The following PIAS1 variants were observed in gnomAD, a reference collection of about 807,000 sequenced individuals.
The protein encoded by PIAS1 is E3 SUMO-protein ligase PIAS1.
A neutral mutation model predicts 71.3 loss-of-function variants in PIAS1; 6 were observed. The observed-to-expected ratio is 0.08, with a 90% CI of 0.05 to 0.17. The LOEUF is 0.17. PIAS1 is among the 10% of genes least tolerant of loss of function. PIAS1 has a pLI of 1.00. For missense variants in PIAS1, 555 were observed against 793.6 expected, an observed-to-expected ratio of 0.70 and a Z score of 3.61; for synonymous variants, 303 against 292.9, an observed-to-expected ratio of 1.03 and a Z score of -0.35.
rs148806781 is a variant in PIAS1 at position 68,185,769 on chromosome 15, C to T, written c.1663-1773C>T. On this transcript the variant is annotated intron_variant, in intron 13 of 13. Transcript: ENST00000249636. The surrounding 1 kb of genome is among the most constrained non-coding windows in gnomAD (Gnocchi z 4.4). ...ATGAGGTCAGGAGTTCGAGACCAGC[C>T]TGACCAACATGGTGAAACCCCGTCT... is the stretch of plus-strand genomic sequence containing the variant. Among the ~76,000 whole-genome samples the T allele has an allele frequency of 6.8e-4, 104 of 152,222 alleles. No homozygotes were observed. In the East Asian group the frequency reaches 0.018, roughly 27 times the overall value.
At position 68,115,442 on chromosome 15, in the gene PIAS1, C is replaced by CT. The variant is rs371727035; in HGVS notation, c.470-26503dup. Among the ~76,000 whole-genome samples, 169 of 152,102 alleles carry CT rather than the reference C, an allele frequency of 1.1e-3. 1 individual carries two copies. Among genetic ancestry groups the CT allele is most frequent in the African/African-American group, 3.9e-3 (164 of 41,522 alleles). ...CTTCACCTTGCTAAATTCGATTGTT[C>CT]TAGAAGCGTTTTGTAGATTCTATTG... On this transcript the variant is annotated intron_variant, in intron 2 of 13. Transcript: ENST00000249636.
At chr15:68,135,732 C>T (rs1304464049) in intron 2 of PIAS1, among the ~76,000 whole-genome samples, 3 of 47,656 alleles carry the variant, frequency 6.3e-5, no homozygotes, top group Non-Finnish European at 7.8e-5. Context: ...ACTTCCCAGA[C>T]AGGGTGGCTG....
At chr15:68,136,090 C>T (rs1595756420) in intron 2 of PIAS1, among the ~76,000 whole-genome samples, 1 of 56,524 alleles carries the variant, frequency 1.8e-5, no homozygotes, top group East Asian at 4.6e-4. Context: ...GGATGGCGGC[C>T]GGGAAGAGGC....
intron 2 of PIAS1, among the ~76,000 whole-genome samples, chr15:68,139,780 CT>C (rs1421307300): frequency 1.3e-5 from 2 of 151,848 alleles, no homozygotes; most frequent in East Asian, 3.9e-4. Flanking sequence ...CAGATAGATA[CT>C]TTTTTCTGTA....
At chr15:68,087,432 C>G (rs2092293902) in intron 2 of PIAS1, among the ~76,000 whole-genome samples, 1 of 152,040 alleles carries the variant, frequency 6.6e-6, no homozygotes, top group Admixed American at 6.6e-5. Flanking sequence ...TAGAATAAAA[C>G]TCAACTGTTG....
At chr15:68,108,623 A>T (rs1479550137) in intron 2 of PIAS1, among the ~76,000 whole-genome samples, 1 of 152,132 alleles carries the variant, frequency 6.6e-6, no homozygotes, top group Non-Finnish European at 1.5e-5. Context: ...ATCACCATTC[A>T]TATAGCTATC....
chr15:68,123,032 A>G (rs1055285034), intron 2 of PIAS1, among the ~76,000 whole-genome samples: 1 of 151,660 alleles, frequency 6.6e-6, no homozygotes, highest in African/African-American at 2.4e-5. Flanking sequence ...AGTGTTATAC[A>G]TACAAAATTC....
chr15:68,143,108 A>T (rs2092783581), intron 4 of PIAS1, among the ~76,000 whole-genome samples: 2 of 151,994 alleles, frequency 1.3e-5, no homozygotes, highest in South Asian at 2.1e-4. Flanking sequence ...ATAAACCATC[A>T]TATTATGCTT....
chr15:68,089,127 C>T (rs1379895798), intron 2 of PIAS1, among the ~76,000 whole-genome samples: 1 of 152,116 alleles, frequency 6.6e-6, no homozygotes, highest in South Asian at 2.1e-4. Context: ...CAAATGTAAA[C>T]TGAATGTTTT....
chr15:68,066,044 T>C (rs950973698), intron 1 of PIAS1, among the ~76,000 whole-genome samples: 4 of 148,218 alleles, frequency 2.7e-5, no homozygotes, highest in Non-Finnish European at 6.0e-5. Context: ...GTTGAGCCAC[T>C]GCACCTGGCT....
intron 1 of PIAS1, among the ~76,000 whole-genome samples, chr15:68,071,200 ACCCCCGCC>A (rs897192967): frequency 3.4e-5 from 3 of 87,708 alleles, no homozygotes; most frequent in East Asian, 3.7e-4. Context: ...CCTTCTTTTC[ACCCCCGCC>A]CCCCCGCCCC....
intron 2 of PIAS1, among the ~76,000 whole-genome samples, chr15:68,090,481 G>A (rs542610643): frequency 6.7e-6 from 1 of 150,310 alleles, no homozygotes; most frequent in South Asian, 2.1e-4. Flanking sequence ...AAATGATAAG[G>A]CTTCTGAGGC....
rs555691887 is a variant in PIAS1 at position 68,092,422 on chromosome 15, C to G, written c.469+5672C>G. ...TCTGATCTCAAAGCAGTCCGCTCAC[C>G]TCAGCCTCTCAAAGTGCTAGGATTA... On this transcript the variant is annotated intron_variant, in intron 2 of 13. Transcript: ENST00000249636. Among the ~76,000 whole-genome samples the G allele has an allele frequency of 3.7e-4, 57 of 152,256 alleles. No individual in the cohort carries two copies. The Middle Eastern group carries it at 0.01, about 27-fold the overall frequency.
At chr15:68,075,753 T>C (rs1490969355) in intron 1 of PIAS1, among the ~76,000 whole-genome samples, 1 of 151,618 alleles carries the variant, frequency 6.6e-6, no homozygotes, top group African/African-American at 2.4e-5. Flanking sequence ...AATATTTCTC[T>C]GTGTAGTTTG....
intron 2 of PIAS1, among the ~76,000 whole-genome samples, chr15:68,131,862 T>G (rs1048258676): frequency 5.9e-5 from 9 of 151,952 alleles, no homozygotes; most frequent in Non-Finnish European, 1.3e-4. Context: ...ATCTTTTGGG[T>G]AAATACCTAG....
In PIAS1 at chr15:68,178,067, A is replaced by G. The variant is rs147908798; in HGVS notation, c.1481+1413A>G. 3.3e-5 allele frequency among the ~76,000 whole-genome samples: 5 copies of G among 152,308 alleles called. No homozygotes were observed. Among genetic ancestry groups the G allele is most frequent in the South Asian group, 2.1e-4 (1 of 4,820 alleles). On this transcript the variant is annotated intron_variant, in intron 11 of 13. Transcript: ENST00000249636. The surrounding 1 kb of genome is among the most constrained non-coding windows in gnomAD (Gnocchi z 4.2). Reference sequence around the variant, plus strand: ...TTGTATGATGAGATTAAAGATTTCTATCAGTTTGAGACCAGCCTGGGCAAC... The same window carrying G: ...TTGTATGATGAGATTAAAGATTTCTGTCAGTTTGAGACCAGCCTGGGCAAC...
chr15:68,088,257 G>C (rs141396552), intron 2 of PIAS1, among the ~76,000 whole-genome samples: 2 of 140,210 alleles, frequency 1.4e-5, no homozygotes, highest in African/African-American at 5.4e-5. Context: ...TATATGGTCT[G>C]TGTACATGTA....
chr15:68,068,044 TAGG>T (rs1434079274), intron 1 of PIAS1, among the ~76,000 whole-genome samples: 7 of 152,146 alleles, frequency 4.6e-5, no homozygotes, highest in Non-Finnish European at 1.0e-4. Context: ...GAGGATTCCG[TAGG>T]AGAAGGTGGA....
intron 7 of PIAS1, among the ~76,000 whole-genome samples, chr15:68,162,815 A>G (rs191385510): frequency 4.5e-4 from 68 of 152,296 alleles, no homozygotes; most frequent in Non-Finnish European, 7.6e-4. Context: ...GCCTCAAGCA[A>G]TCCTCCTACC....
Sources: allele counts gnomAD v4.1 joint callset (sites outside exome capture counted in the v4.1 genomes callset), GRCh38; gene constraint gnomAD v4.1.1; non-coding constraint Gnocchi (gnomAD v3.1); transcripts MANE v1.5; gene names NCBI Gene and HGNC (gene_info 2026-07-23, HGNC 2026-07-21).